Variants in NADSYN1 observed in about 807,000 individuals in gnomAD.
The protein encoded by NADSYN1 is NAD synthetase 1.
NADSYN1 carries 80 observed loss-of-function variants against 99.3 expected under a neutral mutation model. The ratio of observed to expected loss-of-function variants is 0.81; its 90% CI spans 0.67 to 0.97. NADSYN1 has a LOEUF of 0.97. Ranked by LOEUF, NADSYN1 falls within the 50% of genes least tolerant of loss-of-function variation. The pLI, the probability that NADSYN1 is intolerant of heterozygous loss-of-function variation, is 0.00. For missense variants in NADSYN1, 859 were observed against 948.5 expected, an observed-to-expected ratio of 0.91 and a Z score of 1.24; for synonymous variants, 385 against 372.1, an observed-to-expected ratio of 1.03 and a Z score of -0.40.
At chr11:71,478,581 C>A in intron 10 of NADSYN1, 112 bp downstream of exon 10, 1 of 989,430 alleles carries the variant, frequency 1.0e-6, no homozygotes, top group Non-Finnish European at 1.6e-6. Context: ...AAAAGTCTGA[C>A]AGGGAAGTTC....
At chr11:71,472,566 A>C in intron 6 of NADSYN1, 66 bp downstream of exon 6, 1 of 1,444,574 alleles carries the variant, frequency 6.9e-7, no homozygotes, top group Non-Finnish European at 9.7e-7. Context: ...ACAGTGGACC[A>C]GGTGGGGCGG....
At chr11:71,487,830 CAAAAAAAAAAA>C (rs71049984) in intron 16 of NADSYN1, among the ~76,000 whole-genome samples, 1 of 80,098 alleles carries the variant, frequency 1.2e-5, no homozygotes, top group African/African-American at 4.8e-5. Flanking sequence ...GACTCCGTCT[CAAAAAAAAAAA>C]AAAAAAAAAG....
chr11:71,462,821 C>A (rs1178351652), intron 3 of NADSYN1, among the ~76,000 whole-genome samples: 1 of 152,172 alleles, frequency 6.6e-6, no homozygotes, highest in Non-Finnish European at 1.5e-5. Context: ...GGTCATCTTC[C>A]CCTTGTGCTG....
chr11:71,473,357 C>A lies in NADSYN1; in HGVS notation c.539C>A (p.Thr180Lys). 1 of 1,614,136 alleles carries A rather than the reference C, an allele frequency of 6.2e-7. No individual in the cohort carries two copies. Among genetic ancestry groups the A allele is most frequent in the Non-Finnish European group, 8.5e-7 (1 of 1,179,988 alleles). The stretch of plus-strand genomic sequence containing the variant: ...AGTGAGATCTGTGAGGAGCTCTGGA[C>A]ACCCCACAGGTCAGCCCCATGCCCC... ...IGSEICEELW[T>K]PHSPHIDMGL... Residue 180 changes from threonine to lysine, a missense_variant, in exon 7 of 21, where the codon ACA (threonine) becomes AAA (lysine). Thr to Lys is a moderately conservative substitution (Grantham distance 78). Transcript: ENST00000319023.
At chr11:71,476,533 G>A (rs531052708) in intron 9 of NADSYN1, 9 of 452,712 alleles carry the variant, frequency 2.0e-5, no homozygotes, top group Admixed American at 6.1e-5. Flanking sequence ...AGAATTCCAC[G>A]GTCTTTTCAG....
intron 9 of NADSYN1, among the ~76,000 whole-genome samples, chr11:71,475,870 C>A (rs1351459692): frequency 6.6e-6 from 1 of 152,090 alleles, no homozygotes. Flanking sequence ...CTGCCATGCC[C>A]AGCTAATTTT....
At chr11:71,499,968 G>A (rs764963628) in intron 20 of NADSYN1, 3 of 152,246 alleles carry the variant, frequency 2.0e-5, no homozygotes, top group Non-Finnish European at 4.4e-5. Flanking sequence ...CCAAGGAGAT[G>A]GAGGCTGCAG....
chr11:71,469,927 G>GAAA (rs749801544), intron 5 of NADSYN1, among the ~76,000 whole-genome samples: 7 of 109,154 alleles, frequency 6.4e-5, no homozygotes, highest in Middle Eastern at 6.2e-3. Flanking sequence ...GCCTGTCTCA[G>GAAA]AAAAAAAAAA....
At chr11:71,478,297 T>A (rs1949683153) in intron 9 of NADSYN1, 98 bp from the exon 10 acceptor site, 2 of 1,005,300 alleles carry the variant, frequency 2.0e-6, no homozygotes, top group South Asian at 2.8e-5. Flanking sequence ...CAGCCCCTGC[T>A]TTAGAAGGTG....
intron 5 of NADSYN1, 43 bp downstream of exon 5, chr11:71,464,185 C>T (rs751243927): frequency 2.4e-5 from 36 of 1,485,166 alleles, no homozygotes; most frequent in Non-Finnish European, 3.1e-5. Context: ...GCGTTAAGCA[C>T]CTCCGCTGTG....
intron 1 of NADSYN1, among the ~76,000 whole-genome samples, 175 bp downstream of exon 1, chr11:71,453,556 G>T (rs989043953): frequency 6.6e-6 from 1 of 152,320 alleles, no homozygotes; most frequent in Admixed American, 6.5e-5. Context: ...TCAGGTCCTC[G>T]TCGGGAAGTG....
chr11:71,487,866 T>G (rs867677081), intron 16 of NADSYN1, among the ~76,000 whole-genome samples: 22 of 117,516 alleles, frequency 1.9e-4, no homozygotes, highest in Admixed American at 5.0e-4. Context: ...GAAAAGAAAA[T>G]AAGCAAACGT....
Position 71,497,545 on chromosome 11 carries a change from G to T in NADSYN1, c.1827G>T (p.Lys609Asn), listed in dbSNP as rs1949828194. Residue 609 changes from lysine to asparagine, a missense_variant, in exon 19 of 21, where the codon AAG becomes AAT. Transcript: ENST00000319023. ...SVYGKLRKVA[K>N]MGPYSMFCKL... ...ATGGGAAACTCAGGAAGGTGGCCAA[G>T]ATGGGGCCCTACAGCATGTTCTGCA... 2 of 1,614,054 alleles carry T rather than the reference G, an allele frequency of 1.2e-6. No homozygotes were observed. Among genetic ancestry groups the T allele is most frequent in the South Asian group, 2.2e-5 (2 of 91,086 alleles).
At chr11:71,493,307 GT>G (rs1949796433) in intron 18 of NADSYN1, among the ~76,000 whole-genome samples, 1 of 152,196 alleles carries the variant, frequency 6.6e-6, no homozygotes, top group South Asian at 2.1e-4. Context: ...GAGTGGAATT[GT>G]TTTATTAATT....
rs571960537 is a variant in NADSYN1 at position 71,461,550 on chromosome 11, T to G, written c.264-1882T>G. Among the ~76,000 whole-genome samples, 4 of 152,276 alleles carry G rather than the reference T, an allele frequency of 2.6e-5. No individual in the cohort carries two copies. In the South Asian group the frequency reaches 8.3e-4, roughly 32 times the overall value. On this transcript the variant is annotated intron_variant, in intron 3 of 20. Transcript: ENST00000319023. ...TTCAAGCGATTCTCCTGCCTCAGCCTCCCAAGTAGCTGGGACTACAGGCAT... is the reference window on the plus strand; with the variant it reads ...TTCAAGCGATTCTCCTGCCTCAGCCGCCCAAGTAGCTGGGACTACAGGCAT...
At chr11:71,465,181 T>G (rs182260242) in intron 5 of NADSYN1, among the ~76,000 whole-genome samples, 42 of 151,878 alleles carry the variant, frequency 2.8e-4, no homozygotes, top group African/African-American at 1.0e-3. Context: ...GGGGCTACAT[T>G]GGGGATGAGG....
At chr11:71,483,888 CAG>C (rs1949725274) in intron 14 of NADSYN1, among the ~76,000 whole-genome samples, 2 of 152,234 alleles carry the variant, frequency 1.3e-5, no homozygotes, top group Non-Finnish European at 2.9e-5. Context: ...TCACATGACA[CAG>C]TGAGGAGAAA....
At chr11:71,496,294 CACCAGGAACTGGTTTCGTGGAAG>C (rs1262499296) in intron 18 of NADSYN1, 1 of 152,244 alleles carries the variant, frequency 6.6e-6, no homozygotes, top group Non-Finnish European at 1.5e-5. Flanking sequence ...GTCTTCTTGG[CACCAGGAACTGGTTTCGTGGAAG>C]ACAATGTTTT....
At chr11:71,463,611 C>T (rs1285261502) in intron 4 of NADSYN1, 126 bp downstream of exon 4, 33 of 913,144 alleles carry the variant, frequency 3.6e-5, no homozygotes, top group Non-Finnish European at 5.4e-5. Context: ...TGGAAGTGCC[C>T]GGGCTTAGTG....
Sources: gnomAD v4.1 joint callset for allele counts (sites outside exome capture counted in the v4.1 genomes callset) on GRCh38, gnomAD v4.1.1 for gene constraint, MANE v1.5 for transcripts, NCBI Gene and HGNC (gene_info 2026-07-23, HGNC 2026-07-21) for gene names.